Variants in AGAP1 observed in about 807,000 individuals in gnomAD.
AGAP1 encodes arf-GAP with GTPase, ANK repeat and PH domain-containing protein 1.
A neutral mutation model predicts 105.3 loss-of-function variants in AGAP1; 29 were observed. That is an observed-to-expected ratio of 0.28 (90% confidence interval 0.21 to 0.38). The LOEUF is 0.38. Ranked by LOEUF, AGAP1 falls within the 10% of genes least tolerant of loss-of-function variation. The pLI is 1.00. For synonymous variants in AGAP1, 509 were observed against 485.9 expected (o/e 1.05, Z -0.63); for missense variants, 998 against 1,165.1 (o/e 0.86, Z 2.09).
At position 235,549,098 on chromosome 2, in the gene AGAP1, T is replaced by G. The variant is rs1406593639; in HGVS notation, c.163+54249T>G. On this transcript the variant is annotated intron_variant, in intron 1 of 17. Coordinates refer to ENST00000304032, the MANE Select transcript of AGAP1 (RefSeq NM_001037131.3). This position sits in a 1 kb window ranked among gnomAD's most constrained non-coding sequence, Gnocchi z 4.2. Reference sequence around the variant, plus strand: ...TTGTAGAGACACAACCCCAGGGTACTTGGAGCTCATGCTAATGACTAAATC... The same window carrying G: ...TTGTAGAGACACAACCCCAGGGTACGTGGAGCTCATGCTAATGACTAAATC... 6.6e-6 allele frequency among the ~76,000 whole-genome samples: 1 copy of G among 152,230 alleles called. No individual in the cohort carries two copies. The highest frequency in any genetic ancestry group is 2.4e-5 in the African/African-American group (1 of 41,464).
intron 1 of AGAP1, among the ~76,000 whole-genome samples, chr2:235,500,900 G>C (rs1053917056): frequency 9.2e-5 from 14 of 152,168 alleles, no homozygotes; most frequent in African/African-American, 3.4e-4. Flanking sequence ...GAGAAGCGCT[G>C]CTGCTTGCTT....
At position 236,001,320 on chromosome 2, in the gene AGAP1, C is replaced by G. The variant is rs993204780; in HGVS notation, c.1645+32697C>G. On this transcript the variant is annotated intron_variant, in intron 13 of 17. Transcript: ENST00000304032. The surrounding 1 kb of genome is among the most constrained non-coding windows in gnomAD (Gnocchi z 4.7). ...GAGGAAACGCATTTTTGTGGTTTCACGCCACCCAGCGTGCGGTGCATTGTG... is the reference window on the plus strand; with the variant it reads ...GAGGAAACGCATTTTTGTGGTTTCAGGCCACCCAGCGTGCGGTGCATTGTG... 6.6e-6 allele frequency among the ~76,000 whole-genome samples: 1 copy of G among 152,198 alleles called. No individual in the cohort carries two copies. Among genetic ancestry groups the G allele is most frequent in the Non-Finnish European group, 1.5e-5 (1 of 68,034 alleles).
At position 235,700,769 on chromosome 2, in the gene AGAP1, CA is replaced by C. The variant is rs547319813; in HGVS notation, c.164-8409del. On this transcript the variant is annotated intron_variant, in intron 1 of 17. Coordinates refer to ENST00000304032, the MANE Select transcript of AGAP1 (RefSeq NM_001037131.3). The surrounding 1 kb of genome is among the most constrained non-coding windows in gnomAD (Gnocchi z 6.1). ...GAGCCAAGATTGTGCCACTGCACTC[CA>C]GGCTGGGCGACAAAGCGAGAATCTG... Among the ~76,000 whole-genome samples the C allele has an allele frequency of 1.4e-4, 21 of 151,724 alleles. No individual in the cohort carries two copies. The East Asian group carries it at 2.9e-3, about 21-fold the overall frequency.
intron 11 of AGAP1, among the ~76,000 whole-genome samples, chr2:235,914,878 G>T (rs770576869): frequency 3.3e-5 from 5 of 152,234 alleles, no homozygotes; most frequent in Admixed American, 6.5e-5. Flanking sequence ...AGGAGAGCAT[G>T]CATCGGAACA....
At chr2:235,783,494 TGG>T in intron 6 of AGAP1, 1 of 405,340 alleles carries the variant, frequency 2.5e-6, no homozygotes, top group South Asian at 1.9e-5. Flanking sequence ...TGTGTCACTG[TGG>T]AGAGAAAAAG....
At position 235,993,299 on chromosome 2, in the gene AGAP1, C is replaced by T. The variant is rs1288352684; in HGVS notation, c.1645+24676C>T. 6.6e-6 allele frequency among the ~76,000 whole-genome samples: 1 copy of T among 152,190 alleles called. No homozygotes were observed. The highest frequency in any genetic ancestry group is 1.5e-5 in the Non-Finnish European group (1 of 68,038). On this transcript the variant is annotated intron_variant, in intron 13 of 17. Coordinates refer to ENST00000304032, the MANE Select transcript of AGAP1 (RefSeq NM_001037131.3). This position sits in a 1 kb window ranked among gnomAD's most constrained non-coding sequence, Gnocchi z 5.0. Reference sequence around the variant, plus strand: ...AGCCTTGGCAGCCTTGTATTCTGAGCTGCTGTCAGTGGTTTAAACATTTCA... The same window carrying T: ...AGCCTTGGCAGCCTTGTATTCTGAGTTGCTGTCAGTGGTTTAAACATTTCA...
chr2:235,680,454 G>A (rs992148476), intron 1 of AGAP1, among the ~76,000 whole-genome samples: 8 of 152,092 alleles, frequency 5.3e-5, no homozygotes, highest in African/African-American at 9.7e-5. Flanking sequence ...ATTTGGACCC[G>A]TCTCAGGTGA....
chr2:235,916,105 A>G (rs1254674880), intron 11 of AGAP1, among the ~76,000 whole-genome samples: 4 of 152,230 alleles, frequency 2.6e-5, no homozygotes, highest in African/African-American at 9.6e-5. Context: ...TAGACAACCT[A>G]CAGGGTTATA....
Position 235,874,964 on chromosome 2 carries a change from G to A in AGAP1, c.1051-8381G>A, listed in dbSNP as rs529192480. Among the ~76,000 whole-genome samples, 8 of 152,224 alleles carry A rather than the reference G, an allele frequency of 5.3e-5. No individual in the cohort carries two copies. The highest frequency in any genetic ancestry group is 2.0e-4 in the Admixed American group (3 of 15,298). ...GATAGGCAGTAACCTCTTGTGAAGC[G>A]GAAGCAAACTAGAAACAGCTCTCCC... On this transcript the variant is annotated intron_variant, in intron 9 of 17. Transcript: ENST00000304032. This position sits in a 1 kb window ranked among gnomAD's most constrained non-coding sequence, Gnocchi z 4.5.
chr2:235,899,941 G>A (rs928224005), intron 10 of AGAP1, among the ~76,000 whole-genome samples: 2 of 152,196 alleles, frequency 1.3e-5, no homozygotes, highest in African/African-American at 4.8e-5. Flanking sequence ...GAAGCAAAAG[G>A]TGTATTCATA....
intron 9 of AGAP1, among the ~76,000 whole-genome samples, chr2:235,811,523 C>A (rs1243188900): frequency 1.3e-5 from 2 of 152,212 alleles, no homozygotes; most frequent in Non-Finnish European, 2.9e-5. Context: ...TATCATGCTT[C>A]CATTTGGGAG....
In AGAP1 at chr2:235,965,975, G is replaced by A. The variant is rs895329703; in HGVS notation, c.1484-2487G>A. On this transcript the variant is annotated intron_variant, in intron 12 of 17. Coordinates refer to ENST00000304032, the MANE Select transcript of AGAP1 (RefSeq NM_001037131.3). This position sits in a 1 kb window ranked among gnomAD's most constrained non-coding sequence, Gnocchi z 5.8. ...TCTAGGGATGGAGAGAGGGGAGTCC[G>A]TTCCTCTGGGGATGGAGAGAGGGAG... 6.0e-5 allele frequency among the ~76,000 whole-genome samples: 9 copies of A among 150,890 alleles called. No individual in the cohort carries two copies. Among genetic ancestry groups the A allele is most frequent in the Admixed American group, 1.3e-4 (2 of 15,178 alleles).
intron 1 of AGAP1, among the ~76,000 whole-genome samples, chr2:235,668,495 G>A (rs1300822366): frequency 6.6e-6 from 1 of 152,244 alleles, no homozygotes; most frequent in Non-Finnish European, 1.5e-5. Flanking sequence ...CCTGTAGCAA[G>A]CTGTGGCATT....
At chr2:235,613,066 C>T (rs1946191784) in intron 1 of AGAP1, among the ~76,000 whole-genome samples, 1 of 151,534 alleles carries the variant, frequency 6.6e-6, no homozygotes, top group Admixed American at 6.6e-5. Flanking sequence ...CGCTGTCGCC[C>T]AGGCTGGATA....
intron 1 of AGAP1, among the ~76,000 whole-genome samples, chr2:235,603,218 G>T (rs749665927): frequency 4.1e-4 from 62 of 151,974 alleles, no homozygotes; most frequent in Non-Finnish European, 6.9e-4. Context: ...CTCGGCTCTC[G>T]TCTCTCTCTT....
intron 1 of AGAP1, among the ~76,000 whole-genome samples, chr2:235,656,553 A>G (rs1452217876): frequency 6.6e-6 from 1 of 151,662 alleles, no homozygotes; most frequent in Non-Finnish European, 1.5e-5. Context: ...CTGCATAACC[A>G]TTTTTCCCAC....
intron 6 of AGAP1, among the ~76,000 whole-genome samples, chr2:235,755,611 T>G (rs1287891044): frequency 6.6e-6 from 1 of 152,224 alleles, no homozygotes; most frequent in Non-Finnish European, 1.5e-5. Flanking sequence ...CAGCTACTTT[T>G]TGGCTATTTA....
Position 236,083,420 on chromosome 2 carries a change from T to C in AGAP1, c.2114+34139T>C, listed in dbSNP as rs1041962964. Among the ~76,000 whole-genome samples the C allele has an allele frequency of 2.6e-5, 4 of 152,238 alleles. No homozygotes were observed. Among genetic ancestry groups the C allele is most frequent in the Admixed American group, 2.6e-4 (4 of 15,286 alleles). ...TTAAAGGATTGTTTTCATTTTATTA[T>C]AAGGAAGAGACATTTTTGGTATAAG... is the stretch of plus-strand genomic sequence containing the variant. On this transcript the variant is annotated intron_variant, in intron 16 of 17. Coordinates refer to ENST00000304032, the MANE Select transcript of AGAP1 (RefSeq NM_001037131.3). This position sits in a 1 kb window ranked among gnomAD's most constrained non-coding sequence, Gnocchi z 5.3.
intron 6 of AGAP1, among the ~76,000 whole-genome samples, chr2:235,791,549 AT>A (rs200221292): frequency 6.7e-6 from 1 of 149,574 alleles, no homozygotes. Context: ...ATTTGATTTG[AT>A]TTTTTTTTTG....
Sources: gnomAD v4.1 joint callset for allele counts (sites outside exome capture counted in the v4.1 genomes callset) on GRCh38, gnomAD v4.1.1 for gene constraint, Gnocchi (gnomAD v3.1) non-coding constraint, MANE v1.5 for transcripts, NCBI Gene and HGNC (gene_info 2026-07-23, HGNC 2026-07-21) for gene names.